ZNF521: variants seen among roughly 807,000 people sequenced by gnomAD.
ZNF521 encodes zinc finger protein 521, also known as LYST-interacting protein 3.
ZNF521 carries 14 observed loss-of-function variants against 105.5 expected under a neutral mutation model. The ratio of observed to expected loss-of-function variants is 0.13; its 90% CI spans 0.09 to 0.21. ZNF521 has a LOEUF of 0.21. Among genes scored for constraint, ZNF521 ranks in the 10% least tolerant of loss-of-function variants. ZNF521 has a pLI of 1.00. For synonymous variants in ZNF521, 635 were observed against 606.0 expected, an observed-to-expected ratio of 1.05 and a Z score of -0.70; for missense variants, 1,233 against 1,629.7, an observed-to-expected ratio of 0.76 and a Z score of 4.19.
At position 25,226,073 on chromosome 18, in the gene ZNF521, T is replaced by C; in HGVS notation, c.1845A>G (p.Thr615=). 2 of 1,614,216 alleles carry C rather than the reference T, an allele frequency of 1.2e-6. No homozygotes were observed. Among genetic ancestry groups the C allele is most frequent in the African/African-American group, 1.3e-5 (1 of 75,076 alleles). ...SPLSPVAIEQ[T]SLKMMQAVGG... ...CTACTGCCTGCATCATCTTAAGAGA[T>C]GTCTGCTCTATGGCCACAGGAGATA... Residue 615 remains threonine (T), a synonymous_variant, in exon 4 of 8, where the codon ACA becomes ACG. Coordinates refer to ENST00000361524, the MANE Select transcript of ZNF521 (RefSeq NM_015461.3). This position sits in a 1 kb window ranked among gnomAD's most constrained non-coding sequence, Gnocchi z 4.1.
chr18:25,208,350 T>C (rs2036118927), intron 4 of ZNF521, among the ~76,000 whole-genome samples: 1 of 152,234 alleles, frequency 6.6e-6, no homozygotes, highest in Non-Finnish European at 1.5e-5. Context: ...ATGAATGAAC[T>C]AGACTCAATC....
In ZNF521 at chr18:25,289,206, T is replaced by C. The variant is rs145938417; in HGVS notation, c.220+32802A>G. 5.0e-3 allele frequency among the ~76,000 whole-genome samples: 764 copies of C among 152,346 alleles called. 7 individuals carry two copies. The highest frequency in any genetic ancestry group is 0.014 in the African/African-American group (580 of 41,570). On this transcript the variant is annotated intron_variant, in intron 3 of 7. Coordinates refer to ENST00000361524, the MANE Select transcript of ZNF521 (RefSeq NM_015461.3). ...AAAACAAACCATGGTGGTTAATCCC[T>C]AAGGAAAACTGGACTTCGGTTATGA...
chr18:25,066,695 T>C (rs1410849317), intron 7 of ZNF521, among the ~76,000 whole-genome samples: 1 of 151,950 alleles, frequency 6.6e-6, no homozygotes, highest in Non-Finnish European at 1.5e-5. Context: ...CCCAGTCTGC[T>C]CTCCCCCTGG....
intron 5 of ZNF521, among the ~76,000 whole-genome samples, chr18:25,117,081 AC>A (rs1567968918): frequency 0.016 from 154 of 9,376 alleles, no homozygotes; most frequent in South Asian, 0.078. Flanking sequence ...ACACACACAC[AC>A]ATACACACAT....
chr18:25,283,274 G>A (rs1285932183), intron 3 of ZNF521, among the ~76,000 whole-genome samples: 2 of 152,176 alleles, frequency 1.3e-5, no homozygotes, highest in African/African-American at 4.8e-5. Flanking sequence ...ACCTGGTTTT[G>A]CACATCATAC....
chr18:25,308,540 ACC>A (rs1163395194), intron 3 of ZNF521, among the ~76,000 whole-genome samples: 6 of 151,628 alleles, frequency 4.0e-5, no homozygotes, highest in African/African-American at 1.5e-4. Flanking sequence ...TCTTCTGTCG[ACC>A]TGAAGCACCT....
chr18:25,350,773 G>T, intron 2 of ZNF521, 134 bp downstream of exon 2: 1 of 869,012 alleles, frequency 1.2e-6, no homozygotes, highest in South Asian at 1.7e-5. Context: ...CAGCGGGGAG[G>T]GGAGCGCGCG....
chr18:25,195,700 A>G (rs2035891419), intron 4 of ZNF521, among the ~76,000 whole-genome samples: 1 of 151,790 alleles, frequency 6.6e-6, no homozygotes, highest in Non-Finnish European at 1.5e-5. Context: ...GTTAAGATTC[A>G]TGGATGCTAG....
At chr18:25,082,309 G>A (rs554378568) in intron 7 of ZNF521, among the ~76,000 whole-genome samples, 1 of 152,272 alleles carries the variant, frequency 6.6e-6, no homozygotes, top group East Asian at 1.9e-4. Context: ...GGGCACAGTG[G>A]ATCTAAGGAT....
At chr18:25,187,400 T>C (rs556236357) in intron 5 of ZNF521, among the ~76,000 whole-genome samples, 17 of 152,184 alleles carry the variant, frequency 1.1e-4, no homozygotes, top group Non-Finnish European at 1.9e-4. Context: ...ATGAAAATAG[T>C]AAGAAAACGC....
chr18:25,321,010 A>T (rs1244330973), intron 3 of ZNF521, among the ~76,000 whole-genome samples: 1 of 152,238 alleles, frequency 6.6e-6, no homozygotes, highest in African/African-American at 2.4e-5. Flanking sequence ...TTGTTAAAAT[A>T]GAACACACTT....
At chr18:25,109,837 A>G (rs1051728390) in intron 5 of ZNF521, among the ~76,000 whole-genome samples, 1 of 152,110 alleles carries the variant, frequency 6.6e-6, no homozygotes, top group Non-Finnish European at 1.5e-5. Context: ...TCATTGTGGA[A>G]TCTGGATATC....
chr18:25,167,622 G>A (rs2035368134), intron 5 of ZNF521, among the ~76,000 whole-genome samples: 1 of 152,134 alleles, frequency 6.6e-6, no homozygotes, highest in Non-Finnish European at 1.5e-5. Context: ...ATGAAGAAAT[G>A]TCTCAAATTA....
chr18:25,140,136 CT>C (rs1371645417), intron 5 of ZNF521, among the ~76,000 whole-genome samples: 1 of 152,158 alleles, frequency 6.6e-6, no homozygotes, highest in Non-Finnish European at 1.5e-5. Context: ...ATGGTATCAA[CT>C]CATCATTTAC....
intron 5 of ZNF521, among the ~76,000 whole-genome samples, chr18:25,158,622 G>A (rs1285357640): frequency 1.3e-5 from 2 of 152,052 alleles, no homozygotes; most frequent in Non-Finnish European, 2.9e-5. Flanking sequence ...AAGAACACAG[G>A]GAAGGAAGAA....
At chr18:25,328,434 C>CACAT (rs1568081255) in intron 2 of ZNF521, among the ~76,000 whole-genome samples, 2 of 151,910 alleles carry the variant, frequency 1.3e-5, no homozygotes, top group Non-Finnish European at 2.9e-5. Context: ...CACACACACA[C>CACAT]ACACACACAC....
rs754376597 is a variant in ZNF521 at position 25,322,051 on chromosome 18, C to T, written c.177G>A (p.Leu59=). 2 of 1,614,164 alleles carry T rather than the reference C, an allele frequency of 1.2e-6. No individual in the cohort carries two copies. Among genetic ancestry groups the T allele is most frequent in the Non-Finnish European group, 1.7e-6 (2 of 1,180,046 alleles). Residue 59 remains leucine, a synonymous_variant, in exon 3 of 8, where the codon CTG becomes CTA. Transcript: ENST00000361524. The stretch of plus-strand genomic sequence containing the variant: ...TAATCTTGTGTTCTGTGATATCGCT[C>T]AGCGATTCAAACACCTGGAGGCAGC... ...CDSCLQVFES[L]SDITEHKINQ...
At chr18:25,253,535 TG>T (rs1908260532) in intron 3 of ZNF521, among the ~76,000 whole-genome samples, 1 of 152,166 alleles carries the variant, frequency 6.6e-6, no homozygotes, top group Admixed American at 6.6e-5. Flanking sequence ...TCAAAAAAGT[TG>T]GGGTGCTCAA....
At chr18:25,071,106 G>A (rs2033210417) in intron 7 of ZNF521, among the ~76,000 whole-genome samples, 1 of 152,138 alleles carries the variant, frequency 6.6e-6, no homozygotes, top group Admixed American at 6.5e-5. Context: ...TACCATGCTT[G>A]AGTATGCTAC....
Sources: allele counts gnomAD v4.1 joint callset (sites outside exome capture counted in the v4.1 genomes callset), GRCh38; gene constraint gnomAD v4.1.1; non-coding constraint Gnocchi (gnomAD v3.1); transcripts MANE v1.5; gene names NCBI Gene and HGNC (gene_info 2026-07-23, HGNC 2026-07-21).